Variants in FER observed in about 807,000 individuals in gnomAD.
The protein encoded by FER is FER tyrosine kinase, also known as tyrosine-protein kinase Fer.
A neutral mutation model predicts 111.0 loss-of-function variants in FER; 63 were observed. The observed-to-expected ratio is 0.57, with a 90% CI of 0.46 to 0.70. FER has a LOEUF of 0.70. Ranked by LOEUF, FER falls within the 30% of genes least tolerant of loss-of-function variation. The pLI is 0.00. For missense variants in FER, 914 were observed against 954.0 expected (o/e 0.96, Z 0.55); for synonymous variants, 327 against 313.9 (o/e 1.04, Z -0.44).
At chr5:108,800,668 C>T (rs1008946478) in intron 3 of FER, among the ~76,000 whole-genome samples, 15 of 152,162 alleles carry the variant, frequency 9.9e-5, no homozygotes, top group Admixed American at 7.2e-4. Context: ...TTCCTCTTAA[C>T]ACAGAAAAAC....
chr5:108,929,776 A>G (rs981732127), intron 10 of FER, among the ~76,000 whole-genome samples: 11 of 152,168 alleles, frequency 7.2e-5, no homozygotes, highest in Non-Finnish European at 5.9e-5. Context: ...TTAAAATATC[A>G]GGGGAAAAAC....
chr5:109,009,166 G>A (rs971732229), intron 13 of FER, among the ~76,000 whole-genome samples: 4 of 147,242 alleles, frequency 2.7e-5, no homozygotes, highest in Non-Finnish European at 5.9e-5. Context: ...TCCTGCCTTA[G>A]TCTCCCAAGT....
chr5:109,049,467 C>A (rs888080113), intron 16 of FER, among the ~76,000 whole-genome samples: 20 of 152,160 alleles, frequency 1.3e-4, no homozygotes, highest in African/African-American at 4.3e-4. Context: ...CTTTTCACAT[C>A]GTCTTTCTAT....
intron 14 of FER, among the ~76,000 whole-genome samples, chr5:109,039,366 T>C (rs969882855): frequency 6.6e-6 from 1 of 152,168 alleles, no homozygotes; most frequent in African/African-American, 2.4e-5. Context: ...CTTCTAGGCA[T>C]GTTTTACAGT....
intron 13 of FER, among the ~76,000 whole-genome samples, chr5:109,018,539 C>T (rs1240943141): frequency 6.6e-6 from 1 of 151,548 alleles, no homozygotes; most frequent in Non-Finnish European, 1.5e-5. Flanking sequence ...AAGACTTGTC[C>T]CACAATAGTG....
At position 109,186,257 on chromosome 5, in the gene FER, T is replaced by A; in HGVS notation, c.2261T>A (p.Phe754Tyr). ...WSFGILLWETFSLGVCPYPGM... is the reference protein window; with the variant it reads ...WSFGILLWETYSLGVCPYPGM... ...TTTGGCATCCTTCTCTGGGAGACCTTCAGCTTAGGGGTTTGTCCGTACCCT... is the reference window on the plus strand; with the variant it reads ...TTTGGCATCCTTCTCTGGGAGACCTACAGCTTAGGGGTTTGTCCGTACCCT... The change falls in exon 19 of 20, where the codon TTC (phenylalanine) becomes TAC (tyrosine). Residue 754 changes from phenylalanine (F) to tyrosine (Y), a missense_variant. Physicochemically the swap from Phe to Tyr is conservative, Grantham distance 22 (BLOSUM62 3). This residue lies in a region of FER where 134 missense variants were observed against 149.4 expected (regional missense o/e 0.90). Coordinates refer to ENST00000281092, the MANE Select transcript of FER (RefSeq NM_005246.4). 6.2e-7 allele frequency: 1 copy of A among 1,614,096 alleles called. No homozygotes were observed. Among genetic ancestry groups the A allele is most frequent in the Non-Finnish European group, 8.5e-7 (1 of 1,179,964 alleles).
chr5:108,976,440 C>G (rs1761351062), intron 13 of FER, among the ~76,000 whole-genome samples: 1 of 152,102 alleles, frequency 6.6e-6, no homozygotes, highest in Non-Finnish European at 1.5e-5. Flanking sequence ...AGTTCACCTG[C>G]CCAATTTAGC....
At chr5:108,820,506 A>G in intron 3 of FER, 2 of 985,426 alleles carry the variant, frequency 2.0e-6, no homozygotes, top group African/African-American at 3.5e-5. Context: ...GAAGCTGGAA[A>G]AGTATTGGGA....
chr5:108,827,889 CAA>C (rs1373613188), intron 3 of FER, among the ~76,000 whole-genome samples: 2 of 142,886 alleles, frequency 1.4e-5, no homozygotes, highest in African/African-American at 5.3e-5. Context: ...AGTGTAGTGG[CAA>C]AGTCATAGCT....
intron 18 of FER, among the ~76,000 whole-genome samples, chr5:109,182,897 G>A (rs748640821): frequency 5.3e-5 from 8 of 151,894 alleles, no homozygotes; most frequent in African/African-American, 1.7e-4. Context: ...GCTGGAGTGC[G>A]GCGGCATAAT....
intron 17 of FER, among the ~76,000 whole-genome samples, chr5:109,173,767 C>G (rs1003778507): frequency 2.1e-5 from 3 of 140,846 alleles, no homozygotes; most frequent in East Asian, 2.2e-4. Context: ...CCCCCCCCCC[C>G]ACAAGTAACA....
intron 5 of FER, among the ~76,000 whole-genome samples, chr5:108,855,276 G>A (rs922826891): frequency 6.6e-6 from 1 of 152,146 alleles, no homozygotes; most frequent in Middle Eastern, 3.2e-3. Context: ...ATAAAAAAGA[G>A]AAGAGTCTTA....
chr5:109,008,211 A>C (rs1226329186), intron 13 of FER, among the ~76,000 whole-genome samples: 1 of 152,202 alleles, frequency 6.6e-6, no homozygotes, highest in Non-Finnish European at 1.5e-5. Flanking sequence ...AAATTGACAA[A>C]AATCATTTTA....
rs576790246 is a variant in FER at position 109,178,244 on chromosome 5, A to G, written c.2049-2503A>G. 7.2e-5 allele frequency among the ~76,000 whole-genome samples: 11 copies of G among 152,272 alleles called. 1 individual carries two copies. Among genetic ancestry groups the G allele is most frequent in the African/African-American group, 2.2e-4 (9 of 41,558 alleles). On this transcript the variant is annotated intron_variant, in intron 17 of 19. Coordinates refer to ENST00000281092, the MANE Select transcript of FER (RefSeq NM_005246.4). ...TCTCAAAAAGATCCCATTTCCACTC[A>G]CTTGAACTTAATGCAGCCCAAAGGA...
intron 10 of FER, among the ~76,000 whole-genome samples, chr5:108,943,241 G>A (rs75797629): frequency 0.011 from 1,621 of 152,184 alleles, 34 homozygotes; most frequent in African/African-American, 0.037. Context: ...TCAGCGTAAC[G>A]CAAATGATGG....
intron 13 of FER, among the ~76,000 whole-genome samples, chr5:108,966,527 A>G (rs1236359646): frequency 2.0e-5 from 3 of 151,334 alleles, no homozygotes; most frequent in Non-Finnish European, 2.9e-5. Context: ...AGCTGGGATT[A>G]CAGGCACGTG....
At chr5:109,099,685 T>C (rs180773556) in intron 16 of FER, among the ~76,000 whole-genome samples, 7 of 151,578 alleles carry the variant, frequency 4.6e-5, no homozygotes, top group African/African-American at 1.7e-4. Context: ...AAAAAAACTT[T>C]TTAAATATTT....
chr5:108,819,678 T>C (rs1287217499), intron 3 of FER: 4 of 480,586 alleles, frequency 8.3e-6, no homozygotes, highest in African/African-American at 4.2e-5. Flanking sequence ...TTAGCTTTAA[T>C]AGGAGTCAGG....
intron 8 of FER, among the ~76,000 whole-genome samples, chr5:108,881,310 G>C (rs1765650846): frequency 6.6e-6 from 1 of 152,166 alleles, no homozygotes; most frequent in Non-Finnish European, 1.5e-5. Context: ...AGGCAAGGAG[G>C]AGCAAGTCAC....
Sources: allele counts gnomAD v4.1 joint callset (sites outside exome capture counted in the v4.1 genomes callset), GRCh38; gene constraint gnomAD v4.1.1; regional missense constraint gnomAD v4.1.1; transcripts MANE v1.5; gene names NCBI Gene and HGNC (gene_info 2026-07-23, HGNC 2026-07-21).